Variants in PAN3 observed in about 807,000 individuals in gnomAD.
PAN3 encodes the protein poly(A) specific ribonuclease subunit PAN3.
Under a neutral mutation model 96.2 loss-of-function variants are expected in PAN3, and 19 were observed. That is an observed-to-expected ratio of 0.20 (90% CI 0.14 to 0.29). The LOEUF is 0.29. PAN3 is among the 10% of genes least tolerant of loss of function. PAN3 has a pLI of 1.00. For synonymous variants in PAN3, 433 were observed against 406.6 expected, an observed-to-expected ratio of 1.06 and a Z score of -0.78; for missense variants, 882 against 1,108.1, an observed-to-expected ratio of 0.80 and a Z score of 2.90.
At chr13:28,288,947 C>T (rs1315943016) in intron 18 of PAN3, among the ~76,000 whole-genome samples, 1 of 151,500 alleles carries the variant, frequency 6.6e-6, no homozygotes, top group Non-Finnish European at 1.5e-5. Flanking sequence ...CTGCCTCAGC[C>T]TCCCAAGTAG....
At chr13:28,251,805 A>G (rs1884749079) in intron 6 of PAN3, among the ~76,000 whole-genome samples, 1 of 152,112 alleles carries the variant, frequency 6.6e-6, no homozygotes, top group Non-Finnish European at 1.5e-5. Flanking sequence ...GACCTAGCTT[A>G]TAATTCCCCA....
intron 1 of PAN3, among the ~76,000 whole-genome samples, chr13:28,151,800 T>G (rs561856771): frequency 6.6e-6 from 1 of 152,140 alleles, no homozygotes; most frequent in Non-Finnish European, 1.5e-5. Context: ...AGAGCAAATA[T>G]GGGAGAGCAG....
chr13:28,148,603 T>G (rs1870974815), intron 1 of PAN3, among the ~76,000 whole-genome samples: 1 of 152,204 alleles, frequency 6.6e-6, no homozygotes. Flanking sequence ...CCTAGTTACC[T>G]GATCCCTGTC....
chr13:28,167,481 T>C (rs796946078), intron 1 of PAN3, among the ~76,000 whole-genome samples: 55 of 152,082 alleles, frequency 3.6e-4, no homozygotes, highest in African/African-American at 1.3e-3. Context: ...TTTTAATCTT[T>C]ACAACCTAGC....
chr13:28,214,890 A>G, intron 5 of PAN3: 6 of 889,926 alleles, frequency 6.7e-6, no homozygotes, highest in Non-Finnish European at 1.1e-5. Context: ...AATTGAAGCT[A>G]GTAGCTCCAA....
intron 1 of PAN3, among the ~76,000 whole-genome samples, chr13:28,164,217 T>TA (rs539067977): frequency 6.6e-6 from 1 of 152,236 alleles, no homozygotes; most frequent in South Asian, 2.1e-4. Flanking sequence ...AACTTTAAGA[T>TA]ATTGTTTTTC....
chr13:28,163,209 A>C (rs1000610156), intron 1 of PAN3, among the ~76,000 whole-genome samples: 2 of 152,188 alleles, frequency 1.3e-5, no homozygotes, highest in African/African-American at 4.8e-5. Context: ...ATAAATTCAA[A>C]ACAAAACAAA....
intron 1 of PAN3, among the ~76,000 whole-genome samples, chr13:28,149,028 C>T (rs1423972965): frequency 6.6e-6 from 1 of 151,758 alleles, no homozygotes; most frequent in African/African-American, 2.4e-5. Flanking sequence ...CATATAGAGT[C>T]TTCAGTAATC....
intron 5 of PAN3, among the ~76,000 whole-genome samples, chr13:28,202,509 T>G (rs559082031): frequency 6.6e-6 from 1 of 152,192 alleles, no homozygotes; most frequent in Non-Finnish European, 1.5e-5. Context: ...TTATGTTACA[T>G]AAAATATAAA....
rs575301016 is a variant in PAN3, at chr13:28,250,668, A to G, written c.1001-5624A>G. 2.6e-5 allele frequency among the ~76,000 whole-genome samples: 4 copies of G among 152,042 alleles called. No individual in the cohort carries two copies. The East Asian group carries it at 7.7e-4, about 29-fold the overall frequency. The stretch of plus-strand genomic sequence containing the variant: ...AAACATGAGCCACCGCACCCGGCCT[A>G]ATTTTTTATATTTTTTGTAGAGACG... On this transcript the variant is annotated intron_variant, in intron 6 of 18. Coordinates refer to ENST00000380958, the MANE Select transcript of PAN3 (RefSeq NM_175854.8).
intron 6 of PAN3, among the ~76,000 whole-genome samples, chr13:28,233,357 C>T (rs1178332109): frequency 1.3e-5 from 2 of 151,296 alleles, no homozygotes; most frequent in African/African-American, 2.4e-5. Context: ...ACCTTGGCCT[C>T]CTGGGCTCAA....
rs1885129646 is a variant in PAN3, at chr13:28,256,294, A to G, written c.1003A>G (p.Met335Val). Residue 335 changes from methionine to valine, a missense_variant and splice_region_variant, in exon 7 of 19, where the codon ATG becomes GTG. Transcript: ENST00000380958. Reference sequence around the variant, plus strand: ...AAACATTTTTACATCTTCTTCAGGAATGTCGTTGTCTGCTGGGTCTTCCCC... The same window carrying G: ...AAACATTTTTACATCTTCTTCAGGAGTGTCGTTGTCTGCTGGGTCTTCCCC... ...SPATAGLAPG[M>V]SLSAGSSPLH... 3 of 1,611,684 alleles carry G rather than the reference A, an allele frequency of 1.9e-6. No homozygotes were observed. The highest frequency in any genetic ancestry group is 2.5e-6 in the Non-Finnish European group (3 of 1,178,876).
At chr13:28,176,690 C>A (rs1566160788) in intron 3 of PAN3, 131 bp downstream of exon 3, 1 of 871,386 alleles carries the variant, frequency 1.1e-6, no homozygotes, top group Non-Finnish European at 1.8e-6. Flanking sequence ...TTATTATCTT[C>A]CCACTCAGAT....
chr13:28,231,085 C>T lies in PAN3; in HGVS notation c.1000+10707C>T, dbSNP rs181638082. Among the ~76,000 whole-genome samples, 99 of 152,206 alleles carry T rather than the reference C, an allele frequency of 6.5e-4. 2 individuals carry two copies. The highest frequency in any genetic ancestry group is 1.7e-3 in the Admixed American group (26 of 15,298). On this transcript the variant is annotated intron_variant, in intron 6 of 18. Transcript: ENST00000380958. ...GTTTTGTTTCTTCAAACATAGAGACCGAAGTAAGTAACCTACTATTATAGG... is the reference window on the plus strand; with the variant it reads ...GTTTTGTTTCTTCAAACATAGAGACTGAAGTAAGTAACCTACTATTATAGG...
At chr13:28,156,160 A>T (rs1872130078) in intron 1 of PAN3, among the ~76,000 whole-genome samples, 1 of 151,574 alleles carries the variant, frequency 6.6e-6, no homozygotes, top group Non-Finnish European at 1.5e-5. Flanking sequence ...AGATTGCTAG[A>T]CTGCTAACTA....
rs1221891384 is a variant in PAN3, at chr13:28,261,392, G to T, written c.1354-9G>T. 1 of 1,516,692 alleles carries T rather than the reference G, an allele frequency of 6.6e-7. No homozygotes were observed. Among genetic ancestry groups the T allele is most frequent in the Admixed American group, 1.9e-5 (1 of 53,248 alleles). 94.0% of individuals were successfully genotyped at this position (1,516,692 alleles called of 1,614,324 possible). On this transcript the variant is annotated splice_polypyrimidine_tract_variant and intron_variant, in intron 8 of 18. Coordinates refer to ENST00000380958, the MANE Select transcript of PAN3 (RefSeq NM_175854.8). ...GTTTAAATAAAAATATACTTATTTT[G>T]TTTCATAGGAGCTGATCAACAGACA...
chr13:28,274,454 A>G (rs1443201270), intron 14 of PAN3, among the ~76,000 whole-genome samples: 1 of 151,928 alleles, frequency 6.6e-6, no homozygotes, highest in Non-Finnish European at 1.5e-5. Context: ...AGCCAGTACC[A>G]TCATCTTCTA....
At chr13:28,292,107 G>A (rs1408859931) in intron 18 of PAN3, among the ~76,000 whole-genome samples, 1 of 152,092 alleles carries the variant, frequency 6.6e-6, no homozygotes, top group East Asian at 1.9e-4. Flanking sequence ...AAAAATGGAA[G>A]ATACTGGGAG....
chr13:28,252,560 A>G (rs2138566705), intron 6 of PAN3, among the ~76,000 whole-genome samples: 1 of 152,220 alleles, frequency 6.6e-6, no homozygotes, highest in Admixed American at 6.5e-5. Flanking sequence ...TGTTAGTTCC[A>G]GTTAATTTCT....
Sources: allele counts gnomAD v4.1 joint callset (sites outside exome capture counted in the v4.1 genomes callset), GRCh38; gene constraint gnomAD v4.1.1; transcripts MANE v1.5; gene names NCBI Gene and HGNC (gene_info 2026-07-23, HGNC 2026-07-21).